Variants in CDYL2 observed in about 807,000 individuals in gnomAD.
The protein encoded by CDYL2 is chromodomain Y like 2.
In CDYL2, 23 loss-of-function variants were observed where a neutral mutation model predicts 49.4. That is an observed-to-expected ratio of 0.47 (90% CI 0.34 to 0.66). The LOEUF (loss-of-function observed/expected upper bound fraction) is 0.66, where lower values mean the gene tolerates loss of function less well. Among genes scored for constraint, CDYL2 ranks in the 30% least tolerant of loss-of-function variants. The probability of loss-of-function intolerance (pLI) is 0.01; values close to 1 mark genes in which losing one functional copy is unlikely to be tolerated. For synonymous variants in CDYL2, 360 were observed against 268.8 expected (o/e 1.34, Z -3.32); for missense variants, 678 against 656.4 (o/e 1.03, Z -0.36).
intron 2 of CDYL2, among the ~76,000 whole-genome samples, chr16:80,679,423 C>G (rs551549085): frequency 2.6e-4 from 40 of 152,040 alleles, no homozygotes; most frequent in Non-Finnish European, 4.7e-4. Context: ...CCAGCTGGGC[C>G]GTGGTATAGA....
At chr16:80,803,086 T>C (rs979367744) in intron 1 of CDYL2, among the ~76,000 whole-genome samples, 1 of 152,198 alleles carries the variant, frequency 6.6e-6, no homozygotes, top group Non-Finnish European at 1.5e-5. Flanking sequence ...AACCTGGTCT[T>C]GGCGGCCAAC....
At chr16:80,718,063 A>G in intron 1 of CDYL2, among the ~76,000 whole-genome samples, 1 of 152,156 alleles carries the variant, frequency 6.6e-6, no homozygotes. Flanking sequence ...TATTATCTCT[A>G]CTTTACAGAT....
intron 1 of CDYL2, among the ~76,000 whole-genome samples, chr16:80,705,329 A>AAG: frequency 6.6e-6 from 1 of 152,350 alleles, no homozygotes; most frequent in South Asian, 2.1e-4. Context: ...CACTCTGGCC[A>AAG]AAGGCCACTT....
chr16:80,622,099 C>T (rs1362439598), intron 3 of CDYL2, among the ~76,000 whole-genome samples: 3 of 152,228 alleles, frequency 2.0e-5, no homozygotes, highest in African/African-American at 7.2e-5. Context: ...GCCTGGCTCA[C>T]ACAATGCCTA....
intron 1 of CDYL2, among the ~76,000 whole-genome samples, chr16:80,750,845 C>T (rs957467283): frequency 6.6e-6 from 1 of 152,036 alleles, no homozygotes; most frequent in Non-Finnish European, 1.5e-5. Flanking sequence ...AGTGAAACCC[C>T]GTCTCTACTA....
At chr16:80,776,884 C>A (rs533531247) in intron 1 of CDYL2, among the ~76,000 whole-genome samples, 4 of 151,854 alleles carry the variant, frequency 2.6e-5, no homozygotes, top group Non-Finnish European at 5.9e-5. Context: ...ATGGCACGAT[C>A]TCGACTCACT....
At position 80,738,447 on chromosome 16, in the gene CDYL2, A is replaced by T. The variant is rs566895765; in HGVS notation, c.25-53318T>A. On this transcript the variant is annotated intron_variant, in intron 1 of 6. Coordinates refer to ENST00000570137, the MANE Select transcript of CDYL2 (RefSeq NM_152342.4). ...TAGGAAACAAAAAGAAATGAGTACT[A>T]ATGCTACATGCTACAACTAGGAGAA... is the stretch of plus-strand genomic sequence containing the variant. Among the ~76,000 whole-genome samples, 7 of 152,292 alleles carry T rather than the reference A, an allele frequency of 4.6e-5. No individual in the cohort carries two copies. In the East Asian group the frequency reaches 1.3e-3, roughly 29 times the overall value.
At chr16:80,750,875 C>A (rs1383055073) in intron 1 of CDYL2, among the ~76,000 whole-genome samples, 3 of 152,072 alleles carry the variant, frequency 2.0e-5, no homozygotes, top group Non-Finnish European at 4.4e-5. Flanking sequence ...AAAAAACTAG[C>A]CAGGCGTGGT....
chr16:80,657,134 C>G (rs983187082), intron 2 of CDYL2, among the ~76,000 whole-genome samples: 1 of 152,186 alleles, frequency 6.6e-6, no homozygotes, highest in Non-Finnish European at 1.5e-5. Flanking sequence ...GCTTAGAAAA[C>G]AAGCCAGCAA....
Position 80,664,459 on chromosome 16 carries a change from C to A in CDYL2, c.616+20079G>T, listed in dbSNP as rs184051405. On this transcript the variant is annotated intron_variant, in intron 2 of 6. Transcript: ENST00000570137. ...TGAGTTCGCATGCTCAGCTTTGCAG[C>A]AGGTCACTGGGGACCAGCTGATCCC... is the stretch of plus-strand genomic sequence containing the variant. Among the ~76,000 whole-genome samples the A allele has an allele frequency of 1.1e-3, 168 of 152,332 alleles. 1 individual carries two copies. The highest frequency in any genetic ancestry group is 8.3e-3 in the South Asian group (40 of 4,830).
chr16:80,776,358 A>G (rs1026018617), intron 1 of CDYL2, among the ~76,000 whole-genome samples: 29 of 152,214 alleles, frequency 1.9e-4, no homozygotes, highest in African/African-American at 6.0e-4. Context: ...ATGAATATAC[A>G]CTAGGATTCA....
rs554977369 is a variant in CDYL2 at position 80,713,692 on chromosome 16, C to T, written c.25-28563G>A. On this transcript the variant is annotated intron_variant, in intron 1 of 6. Coordinates refer to ENST00000570137, the MANE Select transcript of CDYL2 (RefSeq NM_152342.4). ...CAACTGGTAGGGTCTATGCCCCCTCCCCTTGAACTGGGTGTACATTTGAGA... is the reference window on the plus strand; with the variant it reads ...CAACTGGTAGGGTCTATGCCCCCTCTCCTTGAACTGGGTGTACATTTGAGA... Among the ~76,000 whole-genome samples, 5 of 152,248 alleles carry T rather than the reference C, an allele frequency of 3.3e-5. No individual in the cohort carries two copies. In the East Asian group the frequency reaches 9.7e-4, roughly 29 times the overall value.
chr16:80,710,625 CTG>C, intron 1 of CDYL2, among the ~76,000 whole-genome samples: 1 of 152,224 alleles, frequency 6.6e-6, no homozygotes, highest in Admixed American at 6.5e-5. Context: ...AACAGGTTAA[CTG>C]TATGAAAACA....
chr16:80,793,641 G>A (rs928785859), intron 1 of CDYL2, among the ~76,000 whole-genome samples: 1 of 152,146 alleles, frequency 6.6e-6, no homozygotes, highest in East Asian at 1.9e-4. Context: ...TACAGACATG[G>A]TCCCTGCCCT....
At chr16:80,666,779 T>G (rs772721207) in intron 2 of CDYL2, among the ~76,000 whole-genome samples, 9 of 152,142 alleles carry the variant, frequency 5.9e-5, no homozygotes, top group Non-Finnish European at 1.3e-4. Context: ...TTGCAGTGGG[T>G]GGACCTGGCC....
Position 80,804,250 on chromosome 16 carries a change from G to A in CDYL2, c.-77C>T, listed in dbSNP as rs1908028430. Reference sequence around the variant, plus strand: ...CTCCGTGCGTGTGCGCGCGGGGTCCGGTGTGCGCGTGTGTGTGCGCGCGTG... The same window carrying A: ...CTCCGTGCGTGTGCGCGCGGGGTCCAGTGTGCGCGTGTGTGTGCGCGCGTG... On this transcript the variant is annotated 5_prime_UTR_variant, in exon 1 of 7. Coordinates refer to ENST00000570137, the MANE Select transcript of CDYL2 (RefSeq NM_152342.4). The A allele has an allele frequency of 7.8e-6, 10 of 1,280,024 alleles. No individual in the cohort carries two copies. In the South Asian group the frequency reaches 1.2e-4, roughly 15 times the overall value. The allele number at this position is 1,280,024 out of a possible 1,614,324, so 79.3% of individuals were successfully genotyped here.
intron 1 of CDYL2, among the ~76,000 whole-genome samples, chr16:80,711,761 T>G (rs1904603672): frequency 6.6e-6 from 1 of 152,114 alleles, no homozygotes; most frequent in Non-Finnish European, 1.5e-5. Flanking sequence ...TCAGTAAATC[T>G]GAAGCATAGT....
rs532723103 is a variant in CDYL2, at chr16:80,765,872, T to C, written c.24+38278A>G. On this transcript the variant is annotated intron_variant, in intron 1 of 6. Transcript: ENST00000570137. ...CCTGGGCAACATTGCAAGACCCTCA[T>C]CTACAAAAAAAAAAAAAAAAAAAAA... is the stretch of plus-strand genomic sequence containing the variant. 9.5e-5 allele frequency among the ~76,000 whole-genome samples: 8 copies of C among 84,344 alleles called. No homozygotes were observed. In the East Asian group the frequency reaches 2.7e-3, roughly 29 times the overall value. 55.3% of individuals were successfully genotyped at this position (84,344 alleles called of 152,430 possible).
intron 1 of CDYL2, among the ~76,000 whole-genome samples, chr16:80,797,506 T>G (rs2142422379): frequency 6.6e-6 from 1 of 152,212 alleles, no homozygotes; most frequent in East Asian, 1.9e-4. Context: ...TGTATGGAAC[T>G]TCCAGACAGC....
Sources: allele counts gnomAD v4.1 joint callset (sites outside exome capture counted in the v4.1 genomes callset), GRCh38; gene constraint gnomAD v4.1.1; transcripts MANE v1.5; gene names NCBI Gene and HGNC (gene_info 2026-07-23, HGNC 2026-07-21).